Variants in RARB observed in about 807,000 individuals in gnomAD.
RARB encodes the protein retinoic acid receptor beta, also known as HBV-activated protein.
In RARB, 17 loss-of-function variants were observed where a neutral mutation model predicts 51.9. The ratio of observed to expected loss-of-function variants is 0.33; its 90% CI spans 0.22 to 0.49. The LOEUF is 0.49. Among genes scored for constraint, RARB ranks in the 20% least tolerant of loss-of-function variants. The probability of loss-of-function intolerance (pLI) is 0.99; values close to 1 mark genes in which losing one functional copy is unlikely to be tolerated. For missense variants in RARB, 369 were observed against 550.8 expected (o/e 0.67, Z 3.30); for synonymous variants, 215 against 195.4 (o/e 1.10, Z -0.84).
chr3:24,981,573 A>C (rs1215753266), intron 2 of RARB, among the ~76,000 whole-genome samples: 1 of 151,980 alleles, frequency 6.6e-6, no homozygotes. Context: ...GGCTCTGTGG[A>C]TGTGGGACCC....
intron 4 of RARB, among the ~76,000 whole-genome samples, chr3:25,163,703 C>T (rs534741829): frequency 4.3e-4 from 66 of 151,880 alleles, no homozygotes; most frequent in South Asian, 3.5e-3. Flanking sequence ...TCAAGGACCC[C>T]GTTCCCTCAC....
intron 2 of RARB, among the ~76,000 whole-genome samples, chr3:24,963,912 T>C (rs1696198718): frequency 6.6e-6 from 1 of 152,178 alleles, no homozygotes; most frequent in South Asian, 2.1e-4. Context: ...TTACCTTCCC[T>C]TTTAAAAGCC....
chr3:25,027,570 TC>T (rs1697775264), intron 2 of RARB, among the ~76,000 whole-genome samples: 2 of 151,996 alleles, frequency 1.3e-5, no homozygotes, highest in Admixed American at 6.6e-5. Flanking sequence ...TGAGTATCTA[TC>T]CCTCACATAT....
upstream of RARB, among the ~76,000 whole-genome samples, chr3:25,425,045 C>A (rs749777906): frequency 6.6e-6 from 1 of 152,076 alleles, no homozygotes. Flanking sequence ...TTTTTGTTTG[C>A]TTGTTGGTTG....
intron 5 of RARB, among the ~76,000 whole-genome samples, chr3:25,242,484 A>G (rs1448399230): frequency 6.6e-6 from 1 of 152,184 alleles, no homozygotes; most frequent in Non-Finnish European, 1.5e-5. Context: ...ATCTTTGTAT[A>G]AGGTGAAAGG....
chr3:25,493,321 A>G (rs943934470), intron 2 of RARB, among the ~76,000 whole-genome samples: 2 of 152,106 alleles, frequency 1.3e-5, no homozygotes, highest in Non-Finnish European at 2.9e-5. Flanking sequence ...TCACGCATAG[A>G]CTTCCACTCT....
chr3:25,090,199 C>A (rs1699172124), intron 3 of RARB, among the ~76,000 whole-genome samples: 1 of 152,082 alleles, frequency 6.6e-6, no homozygotes, highest in Non-Finnish European at 1.5e-5. Context: ...CTTTGCATAT[C>A]ATCAAAAAGA....
chr3:25,083,624 T>C (rs1699052299), intron 3 of RARB, among the ~76,000 whole-genome samples: 1 of 152,188 alleles, frequency 6.6e-6, no homozygotes, highest in African/African-American at 2.4e-5. Context: ...GTTTCTGTCA[T>C]GTCTGGGTTT....
chr3:25,081,888 C>A (rs1021998075), intron 3 of RARB, among the ~76,000 whole-genome samples: 4 of 151,654 alleles, frequency 2.6e-5, no homozygotes, highest in Middle Eastern at 3.4e-3. Flanking sequence ...CTGCCTTGGC[C>A]TCCCAAAGTG....
At chr3:25,297,892 G>A (rs898449551) in intron 5 of RARB, among the ~76,000 whole-genome samples, 1 of 152,148 alleles carries the variant, frequency 6.6e-6, no homozygotes, top group Non-Finnish European at 1.5e-5. Context: ...TGCTTTTAAT[G>A]CCTGGTGGGG....
At chr3:25,257,052 C>G (rs1702883725) in intron 5 of RARB, among the ~76,000 whole-genome samples, 1 of 152,118 alleles carries the variant, frequency 6.6e-6, no homozygotes, top group Non-Finnish European at 1.5e-5. Context: ...GAAATGTAAG[C>G]TCATCAATGT....
intron 2 of RARB, among the ~76,000 whole-genome samples, chr3:24,928,453 C>T (rs1352922586): frequency 1.3e-5 from 2 of 151,862 alleles, no homozygotes; most frequent in Non-Finnish European, 2.9e-5. Context: ...AACTCTACCT[C>T]CTGAAATGTG....
In RARB at chr3:25,505,635, A is replaced by G. The variant is rs141668229; in HGVS notation, c.448+4312A>G. 5.1e-4 allele frequency among the ~76,000 whole-genome samples: 78 copies of G among 151,994 alleles called. No homozygotes were observed. The East Asian group carries it at 0.014, about 28-fold the overall frequency. On this transcript the variant is annotated intron_variant, in intron 3 of 7. Coordinates refer to ENST00000330688, the MANE Select transcript of RARB (RefSeq NM_000965.5). ...ACTAGGGAAGCCTTTTTGCAGAGAA[A>G]CAGCTGTCTGTCAAAGCATAGAATA... is the stretch of plus-strand genomic sequence containing the variant.
rs1017503797 is a variant in RARB, at chr3:25,012,536, C to A, written c.-379-47589C>A. Among the ~76,000 whole-genome samples, 11 of 152,248 alleles carry A rather than the reference C, an allele frequency of 7.2e-5. No homozygotes were observed. The South Asian group carries it at 2.3e-3, about 32-fold the overall frequency. On this transcript the variant is annotated intron_variant, in intron 2 of 11. Transcript: ENST00000383772. ...CTGGATGTTAGAAACCTGAATGATA[C>A]ACTGATTTCAGTTTTACCGTCTTAT...
intron 3 of RARB, among the ~76,000 whole-genome samples, chr3:25,112,149 A>G (rs946276623): frequency 6.6e-6 from 1 of 152,218 alleles, no homozygotes; most frequent in African/African-American, 2.4e-5. Context: ...TTATTGGGAC[A>G]TTGAGTAGCT....
intron 2 of RARB, among the ~76,000 whole-genome samples, chr3:24,865,929 C>T (rs373109705): frequency 1.1e-4 from 16 of 152,114 alleles, no homozygotes; most frequent in East Asian, 7.7e-4. Context: ...CATAATATAA[C>T]GACATTTGGC....
At chr3:24,993,191 A>G (rs1366743254) in intron 2 of RARB, among the ~76,000 whole-genome samples, 2 of 152,302 alleles carry the variant, frequency 1.3e-5, no homozygotes, top group Non-Finnish European at 2.9e-5. Context: ...GAAAAAAATC[A>G]GAGATGCTAA....
intron 3 of RARB, among the ~76,000 whole-genome samples, chr3:25,556,071 T>C (rs1700046252): frequency 6.6e-6 from 1 of 152,122 alleles, no homozygotes; most frequent in East Asian, 1.9e-4. Context: ...TCTGTTCATA[T>C]TAGACATCCA....
At chr3:25,135,447 G>C (rs1484282479) in intron 4 of RARB, among the ~76,000 whole-genome samples, 1 of 151,900 alleles carries the variant, frequency 6.6e-6, no homozygotes, top group African/African-American at 2.4e-5. Context: ...TAATCTGCTA[G>C]CTGAAAACCA....
Sources: gnomAD v4.1 joint callset for allele counts (sites outside exome capture counted in the v4.1 genomes callset) on GRCh38, gnomAD v4.1.1 for gene constraint, MANE v1.5 for transcripts, NCBI Gene and HGNC (gene_info 2026-07-23, HGNC 2026-07-21) for gene names.